SCAMP1: variants seen among roughly 807,000 people sequenced by gnomAD.
SCAMP1 encodes secretory carrier-associated membrane protein 1.
In SCAMP1, 15 loss-of-function variants were observed where a neutral mutation model predicts 41.8. That is an observed-to-expected ratio of 0.36 (90% confidence interval 0.24 to 0.55). The LOEUF (loss-of-function observed/expected upper bound fraction) is 0.55. Among genes scored for constraint, SCAMP1 ranks in the 20% least tolerant of loss-of-function variants. The pLI is 0.86. For synonymous variants in SCAMP1, 135 were observed against 136.8 expected (o/e 0.99, Z 0.09); for missense variants, 341 against 412.6 (o/e 0.83, Z 1.50).
chr5:78,456,547 C>G (rs1040413092), intron 7 of SCAMP1, among the ~76,000 whole-genome samples: 41 of 151,490 alleles, frequency 2.7e-4, no homozygotes, highest in African/African-American at 7.3e-4. Context: ...TTTCTGCCGA[C>G]AGATCTGCTG....
chr5:78,411,657 G>C (rs149869839), intron 2 of SCAMP1, among the ~76,000 whole-genome samples: 147 of 152,120 alleles, frequency 9.7e-4, no homozygotes, highest in African/African-American at 3.3e-3. Flanking sequence ...AGCTGTATCA[G>C]TTTAACCATT....
At chr5:78,363,901 G>A (rs57409608) in intron 1 of SCAMP1, among the ~76,000 whole-genome samples, 42,761 of 151,944 alleles carry the variant, frequency 0.28, 6,329 homozygotes, top group East Asian at 0.54. Context: ...CTTTCATTGC[G>A]CATCAAGAAA....
intron 7 of SCAMP1, among the ~76,000 whole-genome samples, chr5:78,455,301 G>T (rs1003512771): frequency 1.4e-5 from 2 of 142,560 alleles, no homozygotes; most frequent in African/African-American, 5.3e-5. Context: ...GATCTTTCCT[G>T]CTTTCTCTTG....
At chr5:78,397,404 A>T (rs191507532) in intron 2 of SCAMP1, among the ~76,000 whole-genome samples, 2 of 152,226 alleles carry the variant, frequency 1.3e-5, no homozygotes, top group African/African-American at 4.8e-5. Flanking sequence ...GTAAATCTTC[A>T]TGACCTTTAG....
At chr5:78,429,530 G>A (rs1250372208) in intron 6 of SCAMP1, among the ~76,000 whole-genome samples, 1 of 151,838 alleles carries the variant, frequency 6.6e-6, no homozygotes, top group African/African-American at 2.4e-5. Context: ...TTTCCATTTG[G>A]TCATTTTGAG....
At chr5:78,441,735 A>G (rs1197742147) in intron 6 of SCAMP1, among the ~76,000 whole-genome samples, 4 of 151,974 alleles carry the variant, frequency 2.6e-5, no homozygotes, top group African/African-American at 7.3e-5. Context: ...GGCTGAGGCA[A>G]GAGAATTGCC....
chr5:78,362,785 C>T (rs1750689931), intron 1 of SCAMP1, among the ~76,000 whole-genome samples: 1 of 151,740 alleles, frequency 6.6e-6, no homozygotes, highest in Non-Finnish European at 1.5e-5. Context: ...TTTACTTCTG[C>T]TTATATTTAT....
At chr5:78,429,349 T>G (rs892528107) in intron 6 of SCAMP1, among the ~76,000 whole-genome samples, 1 of 58,984 alleles carries the variant, frequency 1.7e-5, no homozygotes, top group South Asian at 6.6e-4. Flanking sequence ...GAGTTGGTTT[T>G]TTTTTTTTTT....
chr5:78,451,800 G>A (rs10067811), intron 7 of SCAMP1, among the ~76,000 whole-genome samples: 56,039 of 151,822 alleles, frequency 0.37, 12,450 homozygotes, highest in Non-Finnish European at 0.5. Flanking sequence ...GATTACAGGC[G>A]CCTGCCACCC....
chr5:78,378,589 A>G (rs1751122749), intron 1 of SCAMP1, among the ~76,000 whole-genome samples: 2 of 152,242 alleles, frequency 1.3e-5, no homozygotes, highest in South Asian at 4.1e-4. Context: ...ATTTGTTTTC[A>G]TATCCATATT....
chr5:78,363,839 T>A (rs959323933), intron 1 of SCAMP1, among the ~76,000 whole-genome samples: 1 of 152,194 alleles, frequency 6.6e-6, no homozygotes, highest in African/African-American at 2.4e-5. Context: ...CCCTGCTTTA[T>A]ATTCTAGTGG....
chr5:78,437,447 C>T (rs533973470), intron 6 of SCAMP1, among the ~76,000 whole-genome samples: 108 of 152,308 alleles, frequency 7.1e-4, no homozygotes, highest in African/African-American at 2.6e-3. Context: ...TGTCAAAGGC[C>T]TTTTCTGCAT....
intron 2 of SCAMP1, among the ~76,000 whole-genome samples, chr5:78,407,774 G>T (rs1751969956): frequency 6.6e-6 from 1 of 151,764 alleles, no homozygotes; most frequent in Admixed American, 6.6e-5. Context: ...TCATCTTTGT[G>T]TAGTTTGCTG....
chr5:78,432,545 T>C (rs1752649730), intron 6 of SCAMP1, among the ~76,000 whole-genome samples: 1 of 152,178 alleles, frequency 6.6e-6, no homozygotes, highest in Non-Finnish European at 1.5e-5. Context: ...CGTTCTGGCT[T>C]GCAAAGATTC....
intron 2 of SCAMP1, among the ~76,000 whole-genome samples, chr5:78,395,502 A>G (rs1751628535): frequency 6.6e-6 from 1 of 152,256 alleles, no homozygotes; most frequent in Non-Finnish European, 1.5e-5. Context: ...TCAGGAGTTC[A>G]GATACAGCAT....
chr5:78,390,210 C>T (rs1220670825), intron 2 of SCAMP1, among the ~76,000 whole-genome samples: 3 of 152,106 alleles, frequency 2.0e-5, no homozygotes, highest in Non-Finnish European at 4.4e-5. Flanking sequence ...GGGAAAAAAC[C>T]CCACACATTT....
intron 6 of SCAMP1, among the ~76,000 whole-genome samples, chr5:78,442,006 G>T (rs1451350713): frequency 6.6e-6 from 1 of 152,114 alleles, no homozygotes; most frequent in Non-Finnish European, 1.5e-5. Context: ...GCATGTGCCT[G>T]TAGTCCCAGC....
At chr5:78,379,812 T>C (rs1432454315) in intron 1 of SCAMP1, among the ~76,000 whole-genome samples, 1 of 152,216 alleles carries the variant, frequency 6.6e-6, no homozygotes, top group Non-Finnish European at 1.5e-5. Context: ...ATGACGTTGA[T>C]AGCGTGAATG....
At chr5:78,461,942 G>C (rs1753625616) in intron 8 of SCAMP1, among the ~76,000 whole-genome samples, 1 of 152,002 alleles carries the variant, frequency 6.6e-6, no homozygotes, top group African/African-American at 2.4e-5. Context: ...ACTCTTTTTG[G>C]TTCCATATGA....
Sources: allele counts gnomAD v4.1 joint callset (sites outside exome capture counted in the v4.1 genomes callset), GRCh38; gene constraint gnomAD v4.1.1; transcripts MANE v1.5; gene names NCBI Gene and HGNC (gene_info 2026-07-23, HGNC 2026-07-21).